DGKI: variants seen among roughly 807,000 people sequenced by gnomAD.
DGKI encodes the protein DAG kinase iota.
A neutral mutation model predicts 147.5 loss-of-function variants in DGKI; 55 were observed. That is an observed-to-expected ratio of 0.37 (90% CI 0.30 to 0.47). The LOEUF (loss-of-function observed/expected upper bound fraction) is 0.47. Ranked by LOEUF, DGKI falls within the 20% of genes least tolerant of loss-of-function variation. The probability of loss-of-function intolerance (pLI) is 1.00; values close to 1 mark genes in which losing one functional copy is unlikely to be tolerated. For missense variants in DGKI, 1,007 were observed against 1,323.8 expected (o/e 0.76, Z 3.71); for synonymous variants, 469 against 477.1 (o/e 0.98, Z 0.22).
At chr7:137,451,868 A>G (rs1357620708) in intron 27 of DGKI, among the ~76,000 whole-genome samples, 2 of 151,438 alleles carry the variant, frequency 1.3e-5, no homozygotes, top group East Asian at 1.9e-4. Flanking sequence ...TGCTTTATTT[A>G]TTTTTTTTCA....
intron 12 of DGKI, among the ~76,000 whole-genome samples, chr7:137,594,102 A>G (rs1819709012): frequency 6.6e-6 from 1 of 152,182 alleles, no homozygotes; most frequent in South Asian, 2.1e-4. Context: ...GCTGGAGTGC[A>G]GTAGCACAAT....
chr7:137,456,567 A>G (rs550427827), intron 27 of DGKI, among the ~76,000 whole-genome samples: 1 of 152,294 alleles, frequency 6.6e-6, no homozygotes, highest in South Asian at 2.1e-4. Context: ...AGGAACTCAC[A>G]TGCTTTAAAG....
intron 27 of DGKI, among the ~76,000 whole-genome samples, chr7:137,448,910 G>A (rs1813839036): frequency 1.3e-5 from 2 of 151,962 alleles, no homozygotes; most frequent in Admixed American, 6.6e-5. Flanking sequence ...TGGTACCACC[G>A]CACTAGGAAA....
chr7:137,517,035 G>C (rs1332958454), intron 21 of DGKI, among the ~76,000 whole-genome samples: 2 of 151,502 alleles, frequency 1.3e-5, no homozygotes, highest in East Asian at 3.9e-4. Context: ...CATAAGTCTT[G>C]ACATGATGGG....
intron 1 of DGKI, among the ~76,000 whole-genome samples, chr7:137,756,961 T>C (rs980933242): frequency 6.6e-5 from 10 of 152,242 alleles, no homozygotes; most frequent in Admixed American, 6.5e-4. Context: ...CCATATATTT[T>C]GGATGTGTTT....
chr7:137,599,794 T>C lies in DGKI; in HGVS notation c.1250+29A>G, dbSNP rs767252999. On this transcript the variant is annotated intron_variant, in intron 11 of 32. Coordinates refer to ENST00000614521, the MANE Select transcript of DGKI (RefSeq NM_001321708.2). The stretch of plus-strand genomic sequence containing the variant: ...AATTCTCACTTGCCTAAAATACATA[T>C]GGACCATGGAGAATATTTCCAGACT... 12 of 1,604,910 alleles carry C rather than the reference T, an allele frequency of 7.5e-6. No homozygotes were observed. In the African/African-American group the frequency reaches 1.2e-4, roughly 16 times the overall value.
intron 31 of DGKI, chr7:137,396,053 T>G: frequency 5.6e-6 from 1 of 179,532 alleles, no homozygotes; most frequent in Non-Finnish European, 1.2e-5. Flanking sequence ...TGCATACATT[T>G]GAGCAGAGCG....
At chr7:137,767,848 A>G (rs898491415) in intron 1 of DGKI, among the ~76,000 whole-genome samples, 6 of 152,202 alleles carry the variant, frequency 3.9e-5, no homozygotes, top group African/African-American at 1.4e-4. Flanking sequence ...ATTAGTTAAT[A>G]CATGTCTAAA....
chr7:137,592,625 T>G (rs1353845384), intron 12 of DGKI, among the ~76,000 whole-genome samples: 1 of 152,210 alleles, frequency 6.6e-6, no homozygotes, highest in Non-Finnish European at 1.5e-5. Context: ...TGCGCTGCCT[T>G]GTAGTACATG....
intron 1 of DGKI, among the ~76,000 whole-genome samples, chr7:137,737,620 A>C (rs1238078886): frequency 6.6e-6 from 1 of 151,956 alleles, no homozygotes; most frequent in Non-Finnish European, 1.5e-5. Context: ...TTTCCTATCA[A>C]CCCAAATTAC....
intron 1 of DGKI, among the ~76,000 whole-genome samples, chr7:137,747,842 T>C (rs1795386117): frequency 6.6e-6 from 1 of 152,214 alleles, no homozygotes; most frequent in South Asian, 2.1e-4. Context: ...CTATCCAGGC[T>C]CTACTCAGAC....
chr7:137,722,577 C>G (rs1794598317), intron 1 of DGKI: 1 of 1,578,732 alleles, frequency 6.3e-7, no homozygotes. Context: ...TCATTGCCAC[C>G]TCAACCAAAA....
At chr7:137,408,046 A>G in intron 29 of DGKI, 51 bp from the exon 30 acceptor site, 4 of 1,605,156 alleles carry the variant, frequency 2.5e-6, no homozygotes, top group Non-Finnish European at 3.4e-6. Flanking sequence ...CGGAACAAGG[A>G]TAACAGCTAA....
At chr7:137,687,091 G>C (rs983932234) in intron 2 of DGKI, among the ~76,000 whole-genome samples, 2 of 152,148 alleles carry the variant, frequency 1.3e-5, no homozygotes, top group African/African-American at 4.8e-5. Context: ...AAGTGTTACA[G>C]AGCAGAGAGA....
At chr7:137,462,685 C>T (rs1342127788) in intron 27 of DGKI, among the ~76,000 whole-genome samples, 1 of 152,114 alleles carries the variant, frequency 6.6e-6, no homozygotes, top group Non-Finnish European at 1.5e-5. Flanking sequence ...GTTACAAGGC[C>T]ATTGTCATTA....
intron 2 of DGKI, among the ~76,000 whole-genome samples, chr7:137,683,353 A>T (rs1823304526): frequency 7.4e-6 from 1 of 135,594 alleles, no homozygotes; most frequent in African/African-American, 2.9e-5. Flanking sequence ...TATCCTTGTC[A>T]CTCTTTTTGT....
At chr7:137,636,667 T>G (rs2129003768) in intron 6 of DGKI, among the ~76,000 whole-genome samples, 1 of 152,296 alleles carries the variant, frequency 6.6e-6, no homozygotes, top group South Asian at 2.1e-4. Context: ...TGGATATCTG[T>G]CCCCTCTAGA....
intron 1 of DGKI, chr7:137,774,916 G>T (rs1405656716): frequency 6.6e-6 from 1 of 152,158 alleles, no homozygotes; most frequent in Non-Finnish European, 1.5e-5. Context: ...GTTATGAGTG[G>T]CTGCTAACCA....
At chr7:137,411,522 T>G (rs1812162934) in intron 29 of DGKI, among the ~76,000 whole-genome samples, 1 of 152,130 alleles carries the variant, frequency 6.6e-6, no homozygotes, top group Admixed American at 6.5e-5. Context: ...TCCATTTTAC[T>G]GATGAAAAAA....
Sources: gnomAD v4.1 joint callset for allele counts (sites outside exome capture counted in the v4.1 genomes callset) on GRCh38, gnomAD v4.1.1 for gene constraint, MANE v1.5 for transcripts, NCBI Gene and HGNC (gene_info 2026-07-23, HGNC 2026-07-21) for gene names.